SIK3: variants seen among roughly 807,000 people sequenced by gnomAD.
The protein encoded by SIK3 is serine/threonine-protein kinase SIK3.
In SIK3, 28 loss-of-function variants were observed where a neutral mutation model predicts 144.2. The observed-to-expected ratio is 0.19, with a 90% CI of 0.14 to 0.27. The LOEUF (loss-of-function observed/expected upper bound fraction) is 0.27, where lower values mean the gene tolerates loss of function less well. Ranked by LOEUF, SIK3 falls within the 10% of genes least tolerant of loss-of-function variation. The probability of loss-of-function intolerance (pLI) is 1.00; values close to 1 mark genes in which losing one functional copy is unlikely to be tolerated. For missense variants in SIK3, 1,319 were observed against 1,776.0 expected (o/e 0.74, Z 4.62); for synonymous variants, 686 against 676.3 (o/e 1.01, Z -0.22).
chr11:117,075,591 G>C (rs1359160602), intron 1 of SIK3, among the ~76,000 whole-genome samples: 1 of 149,362 alleles, frequency 6.7e-6, no homozygotes, highest in Admixed American at 6.7e-5. Flanking sequence ...GCCCAGGCTG[G>C]AGTGCAGTGG....
chr11:117,078,544 A>G (rs1591664349), intron 1 of SIK3, among the ~76,000 whole-genome samples: 1 of 150,382 alleles, frequency 6.6e-6, no homozygotes, highest in East Asian at 2.0e-4. Flanking sequence ...CCTCCCAAGT[A>G]GCTGGGATTA....
In SIK3 at chr11:117,091,082, A is replaced by G. The variant is rs574575387; in HGVS notation, c.273+7061T>C. 5.9e-5 allele frequency among the ~76,000 whole-genome samples: 9 copies of G among 151,994 alleles called. No individual in the cohort carries two copies. In the South Asian group the frequency reaches 1.9e-3, roughly 32 times the overall value. On this transcript the variant is annotated intron_variant, in intron 1 of 24. Coordinates refer to ENST00000445177, the MANE Select transcript of SIK3 (RefSeq NM_001366686.3). ...ACTGGATTCTAACTCCAGCTCCCCC[A>G]CTAACTACCTATAAGACTCCGGGAA...
At chr11:116,907,037 AAC>A (rs1355380187) in intron 4 of SIK3, among the ~76,000 whole-genome samples, 2 of 152,360 alleles carry the variant, frequency 1.3e-5, no homozygotes, top group South Asian at 4.1e-4. Flanking sequence ...TCTCCAGTGC[AAC>A]AGTTTTCCTA....
chr11:116,911,593 T>G (rs770816024), intron 4 of SIK3, among the ~76,000 whole-genome samples: 1 of 152,164 alleles, frequency 6.6e-6, no homozygotes, highest in East Asian at 1.9e-4. Context: ...AAAACATGCA[T>G]AGTAAAAAGA....
Position 116,857,953 on chromosome 11 carries a change from T to C in SIK3, c.3512A>G (p.Asp1171Gly), listed in dbSNP as rs200924413. 1.4e-4 allele frequency: 220 copies of C among 1,614,114 alleles called. No individual in the cohort carries two copies. The highest frequency in any genetic ancestry group is 1.8e-4 in the Non-Finnish European group (215 of 1,180,054). The change falls in exon 21 of 25, where the codon GAC becomes GGC. Residue 1171 changes from aspartate (D) to glycine (G), a missense_variant. By Grantham distance (94) the Asp-to-Gly change is moderately conservative. Transcript: ENST00000445177. ...ACCGGTACTCAAGAGCAGAGGGCTG[T>C]CATGGCAACCTTTGGTCAATGTACT... ...SSSTLTKGCH[D>G]SPLLLSTGGP...
chr11:117,050,307 A>AC (rs1414995306), intron 1 of SIK3, among the ~76,000 whole-genome samples: 1 of 148,614 alleles, frequency 6.7e-6, no homozygotes, highest in Non-Finnish European at 1.5e-5. Context: ...CACACACACA[A>AC]AAAGATATCA....
intron 1 of SIK3, among the ~76,000 whole-genome samples, chr11:117,082,112 G>A (rs1954815234): frequency 6.6e-6 from 1 of 152,090 alleles, no homozygotes; most frequent in African/African-American, 2.4e-5. Context: ...CACTAGGATG[G>A]CTAAAATCAA....
chr11:116,963,549 G>A (rs1204564507), intron 1 of SIK3, among the ~76,000 whole-genome samples: 1 of 152,200 alleles, frequency 6.6e-6, no homozygotes, highest in African/African-American at 2.4e-5. Context: ...TGAATGAAAA[G>A]TGAAAATAAT....
intron 4 of SIK3, chr11:116,904,687 T>C (rs1945928903): frequency 6.6e-6 from 1 of 152,254 alleles, no homozygotes; most frequent in Non-Finnish European, 1.5e-5. Flanking sequence ...TATAAGTCTC[T>C]CATAAAATAT....
At chr11:117,035,658 G>A (rs1489753875) in intron 1 of SIK3, 4 of 641,182 alleles carry the variant, frequency 6.2e-6, no homozygotes, top group Admixed American at 5.3e-5. Flanking sequence ...AGGCTCAAGC[G>A]ATCCTCCCAC....
intron 1 of SIK3, among the ~76,000 whole-genome samples, chr11:117,049,190 T>G (rs1416604328): frequency 1.3e-5 from 2 of 152,346 alleles, no homozygotes; most frequent in African/African-American, 4.8e-5. Flanking sequence ...GTCAACTCTT[T>G]AATAATATAT....
chr11:117,005,848 G>A (rs1334471977), intron 1 of SIK3, among the ~76,000 whole-genome samples: 2 of 152,144 alleles, frequency 1.3e-5, no homozygotes, highest in African/African-American at 4.8e-5. Flanking sequence ...CTCCATTCAA[G>A]CAAAGGAAGA....
rs552249801 is a variant in SIK3 at position 117,097,154 on chromosome 11, G to T, written c.273+989C>A. The stretch of plus-strand genomic sequence containing the variant: ...GAAAGTGCTACCATATTTCCTCAAA[G>T]AATTTTACATGCATACATATATAGC... On this transcript the variant is annotated intron_variant, in intron 1 of 24. Transcript: ENST00000445177. Among the ~76,000 whole-genome samples, 3 of 152,204 alleles carry T rather than the reference G, an allele frequency of 2.0e-5. No homozygotes were observed. In the East Asian group the frequency reaches 5.8e-4, roughly 29 times the overall value.
At chr11:116,965,752 T>C (rs1055312421) in intron 1 of SIK3, among the ~76,000 whole-genome samples, 67 of 20,114 alleles carry the variant, frequency 3.3e-3, no homozygotes, top group East Asian at 7.2e-3. Flanking sequence ...TATATATATA[T>C]ATATATATAT....
At chr11:116,924,189 G>A (rs1665539287) in intron 4 of SIK3, among the ~76,000 whole-genome samples, 1 of 151,928 alleles carries the variant, frequency 6.6e-6, no homozygotes, top group Admixed American at 6.6e-5. Flanking sequence ...AGCTACACGG[G>A]AGGCTGAGGT....
intron 4 of SIK3, among the ~76,000 whole-genome samples, chr11:116,904,420 T>C (rs561957656): frequency 6.6e-6 from 1 of 152,316 alleles, no homozygotes; most frequent in Non-Finnish European, 1.5e-5. Flanking sequence ...CAGCTTCAAA[T>C]GACAGAATGA....
chr11:116,974,556 C>CTGTT (rs141350559), intron 1 of SIK3, among the ~76,000 whole-genome samples: 11,096 of 151,842 alleles, frequency 0.073, 492 homozygotes, highest in African/African-American at 0.11. Context: ...ATAGGGGTTT[C>CTGTT]TGTTTGTTTG....
At position 116,867,307 on chromosome 11, in the gene SIK3, GCT is replaced by G. The variant is rs1454231082; in HGVS notation, c.1952+637_1952+638del. On this transcript the variant is annotated intron_variant, in intron 15 of 24. Coordinates refer to ENST00000445177, the MANE Select transcript of SIK3 (RefSeq NM_001366686.3). This position sits in a 1 kb window ranked among gnomAD's most constrained non-coding sequence, Gnocchi z 4.1. ...ACTAGCAAAGTGTCATTCCGCAGCT[GCT>G]TCCAGGCTTACTTGGAGTCAATGAA... Among the ~76,000 whole-genome samples the G allele has an allele frequency of 6.6e-6, 1 of 152,218 alleles. No homozygotes were observed. Among genetic ancestry groups the G allele is most frequent in the African/African-American group, 2.4e-5 (1 of 41,462 alleles).
In SIK3 at chr11:117,022,732, T is replaced by C. The variant is rs1013450020; in HGVS notation, c.274-65668A>G. On this transcript the variant is annotated intron_variant, in intron 1 of 24. Transcript: ENST00000445177. ...ACGGGTTAAGAGAAGAAGAAATGAA[T>C]TGAAATCTCATTTATAACCACACGG... Among the ~76,000 whole-genome samples the C allele has an allele frequency of 5.5e-4, 84 of 151,886 alleles. 2 individuals carry two copies. The highest frequency in any genetic ancestry group is 2.2e-4 in the Non-Finnish European group (15 of 68,010).
Sources: gnomAD v4.1 joint callset for allele counts (sites outside exome capture counted in the v4.1 genomes callset) on GRCh38, gnomAD v4.1.1 for gene constraint, Gnocchi (gnomAD v3.1) non-coding constraint, MANE v1.5 for transcripts, NCBI Gene and HGNC (gene_info 2026-07-23, HGNC 2026-07-21) for gene names.